ATP1A3: variants seen among roughly 807,000 people sequenced by gnomAD.
ATP1A3 encodes sodium/potassium-transporting ATPase subunit alpha-3.
A neutral mutation model predicts 108.8 loss-of-function variants in ATP1A3; 12 were observed. That is an observed-to-expected ratio of 0.11 (90% confidence interval 0.07 to 0.18). The LOEUF is 0.18. Ranked by LOEUF, ATP1A3 falls within the 10% of genes least tolerant of loss-of-function variation. The pLI, the probability that ATP1A3 is intolerant of heterozygous loss-of-function variation, is 1.00. For synonymous variants in ATP1A3, 539 were observed against 564.5 expected, an observed-to-expected ratio of 0.95 and a Z score of 0.64; for missense variants, 498 against 1,387.7, an observed-to-expected ratio of 0.36 and a Z score of 10.19.
chr19:41,977,803 C>A, intron 14 of ATP1A3, 133 bp downstream of exon 14: 1 of 1,382,846 alleles, frequency 7.2e-7, no homozygotes, highest in Admixed American at 2.3e-5. Context: ...AGGGCCAGAC[C>A]CAGGGCCTGG....
At position 41,988,752 on chromosome 19, in the gene ATP1A3, C is replaced by T. The variant is rs782412206; in HGVS notation, c.7-190G>A. 1.3e-5 allele frequency among the ~76,000 whole-genome samples: 2 copies of T among 152,026 alleles called. No individual in the cohort carries two copies. The highest frequency in any genetic ancestry group is 2.4e-5 in the African/African-American group (1 of 41,390). ...CGGAGCCTCTGGGTGACTTCACCTC[C>T]CTTCTGCCTCTGGTGACTCTCAGGC... On this transcript the variant is annotated intron_variant, in intron 1 of 22. Coordinates refer to ENST00000648268, the MANE Select transcript of ATP1A3 (RefSeq NM_152296.5). The surrounding 1 kb of genome is among the most constrained non-coding windows in gnomAD (Gnocchi z 5.3).
chr19:41,969,056 G>T, intron 19 of ATP1A3, 141 bp from the exon 20 acceptor site: 1 of 1,295,378 alleles, frequency 7.7e-7, no homozygotes, highest in Non-Finnish European at 1.1e-6. Context: ...CCTTCTGCGG[G>T]CTCATAGTCC....
At position 41,970,069 on chromosome 19, in the gene ATP1A3, C is replaced by T. The variant is rs910324413; in HGVS notation, c.2542+116G>A. 10 of 1,564,300 alleles carry T rather than the reference C, an allele frequency of 6.4e-6. No individual in the cohort carries two copies. The African/African-American group carries it at 1.1e-4, about 17-fold the overall frequency. ...CCCCACAGATAGCTCACTGGTTGGT[C>T]CTGCCCACGTCTGCTCCCCTGAGTC... On this transcript the variant is annotated intron_variant, in intron 18 of 22. Transcript: ENST00000648268.
chr19:41,983,164 A>G lies in ATP1A3; in HGVS notation c.994-1058T>C, dbSNP rs1378516065. ...TCGATCTCAGCTCACTGCAACCTCCACCTCCCAGGTTCAAGCAATTCTTGT... is the reference window on the plus strand; with the variant it reads ...TCGATCTCAGCTCACTGCAACCTCCGCCTCCCAGGTTCAAGCAATTCTTGT... On this transcript the variant is annotated intron_variant, in intron 8 of 22. Coordinates refer to ENST00000648268, the MANE Select transcript of ATP1A3 (RefSeq NM_152296.5). Among the ~76,000 whole-genome samples the G allele has an allele frequency of 3.0e-4, 45 of 151,106 alleles. No individual in the cohort carries two copies. In the Admixed American group the frequency reaches 3.0e-3, roughly 10 times the overall value.
rs782057287 is a variant in ATP1A3 at position 41,969,507 on chromosome 19, G to T, written c.2616C>A (p.Asn872Lys). 22 of 1,614,042 alleles carry T rather than the reference G, an allele frequency of 1.4e-5. No homozygotes were observed. In the African/African-American group the frequency reaches 2.0e-4, roughly 15 times the overall value. The change falls in exon 19 of 23, where the codon AAC becomes AAA. Residue 872 changes from asparagine (N) to lysine (K), a missense_variant. Transcript: ENST00000648268. ...ILAENGFLPGNLVGIRLNWDD... is the reference protein window; with the variant it reads ...ILAENGFLPGKLVGIRLNWDD... ...CCCAGTTCAGCCGGATGCCCACCAG[G>T]TTGCCGGGCAAGAAGCCATTTTCTG...
intron 1 of ATP1A3, among the ~76,000 whole-genome samples, chr19:41,992,045 A>G (rs1279328889): frequency 4.4e-5 from 2 of 45,574 alleles, no homozygotes; most frequent in African/African-American, 9.7e-5. Context: ...CTGAGGGAGG[A>G]GGGGCTGGGG....
At position 41,987,949 on chromosome 19, in the gene ATP1A3, G is replaced by C. The variant is rs781955231; in HGVS notation, c.344C>G (p.Pro115Arg). ...YGIQAGTEDD[P>R]SGDNLYLGIV... ...CCAGGCACTCACGTTGTCACCAGAG[G>C]GGTCGTCCTCGGTGCCCGCCTGGAT... is the stretch of plus-strand genomic sequence containing the variant. Residue 115 changes from proline (P) to arginine (R), a missense_variant, in exon 4 of 23, where the codon CCC (proline) becomes CGC (arginine). By Grantham distance (103) the Pro-to-Arg change is moderately radical (BLOSUM62 -2). This residue lies in a region of ATP1A3 where 127 missense variants were observed against 464.0 expected (regional missense o/e 0.27). Coordinates refer to ENST00000648268, the MANE Select transcript of ATP1A3 (RefSeq NM_152296.5). The C allele has an allele frequency of 1.2e-6, 2 of 1,613,766 alleles. No individual in the cohort carries two copies. The highest frequency in any genetic ancestry group is 2.2e-5 in the South Asian group (2 of 91,082).
At position 41,983,082 on chromosome 19, in the gene ATP1A3, C is replaced by CT. The variant is rs536874696; in HGVS notation, c.994-977dup. 1.9e-3 allele frequency among the ~76,000 whole-genome samples: 278 copies of CT among 146,478 alleles called. 1 individual carries two copies. The highest frequency in any genetic ancestry group is 4.2e-3 in the African/African-American group (169 of 40,294). ...CATTGCTAATATGGAAAACAGTAAA[C>CT]TTTTTTTTTTTTTGAGACACAGTCT... On this transcript the variant is annotated intron_variant, in intron 8 of 22. Coordinates refer to ENST00000648268, the MANE Select transcript of ATP1A3 (RefSeq NM_152296.5).
chr19:41,987,319 T>C (rs2075295990), intron 4 of ATP1A3, among the ~76,000 whole-genome samples: 1 of 150,784 alleles, frequency 6.6e-6, no homozygotes. Context: ...CCTGCATTGC[T>C]GTGTGTGTGT....
chr19:41,978,530 C>G lies in ATP1A3; in HGVS notation c.1630+76G>C, dbSNP rs2075196821. The G allele has an allele frequency of 1.3e-6, 2 of 1,589,588 alleles. No individual in the cohort carries two copies. Among genetic ancestry groups the G allele is most frequent in the Non-Finnish European group, 1.7e-6 (2 of 1,166,992 alleles). On this transcript the variant is annotated intron_variant, in intron 12 of 22. Coordinates refer to ENST00000648268, the MANE Select transcript of ATP1A3 (RefSeq NM_152296.5). The surrounding 1 kb of genome is among the most constrained non-coding windows in gnomAD (Gnocchi z 8.3). Reference sequence around the variant, plus strand: ...ACAGTATATTCTGGGAGGCCCTGGGCTGAGACAGGCTTTGGGCAGCATCAC... The same window carrying G: ...ACAGTATATTCTGGGAGGCCCTGGGGTGAGACAGGCTTTGGGCAGCATCAC...
At position 41,966,897 on chromosome 19, in the gene ATP1A3, G is replaced by A. The variant is rs782765609; in HGVS notation, c.*40C>T. On this transcript the variant is annotated 3_prime_UTR_variant, in exon 23 of 23. Transcript: ENST00000648268. ...GACTGACAGGGGCGGTCCTGGGCCT[G>A]GGGGACGGGGAAGAGATGGGCGATG... is the stretch of plus-strand genomic sequence containing the variant. 1.9e-6 allele frequency: 3 copies of A among 1,551,154 alleles called. No homozygotes were observed. Among genetic ancestry groups the A allele is most frequent in the Middle Eastern group, 1.7e-4 (1 of 5,962 alleles).
At position 41,978,866 on chromosome 19, in the gene ATP1A3, G is replaced by A. The variant is rs2075200219; in HGVS notation, c.1438-68C>T. ...ACCAGGAAGCTCCCTGCCCCATCCT[G>A]TCCCCTGTCCAGAGCCACGGGTGCC... On this transcript the variant is annotated intron_variant, in intron 11 of 22. Transcript: ENST00000648268. The surrounding 1 kb of genome is among the most constrained non-coding windows in gnomAD (Gnocchi z 8.3). 7 of 1,549,430 alleles carry A rather than the reference G, an allele frequency of 4.5e-6. No homozygotes were observed. The highest frequency in any genetic ancestry group is 6.2e-6 in the Non-Finnish European group (7 of 1,129,284).
Position 41,985,360 on chromosome 19 carries a change from C to T in ATP1A3, c.670G>A (p.Asp224Asn), listed in dbSNP as rs1271282195. 5.0e-6 allele frequency: 8 copies of T among 1,614,002 alleles called. No individual in the cohort carries two copies. Among genetic ancestry groups the T allele is most frequent in the East Asian group, 2.2e-5 (1 of 44,894 alleles). ...PQTRSPDCTH[D>N]NPLETRNITF... ...ATGTTCCGAGTCTCCAAGGGGTTGTCGTGAGTGCAGTCGGGAGAGCGAGTC... is the reference window on the plus strand; with the variant it reads ...ATGTTCCGAGTCTCCAAGGGGTTGTTGTGAGTGCAGTCGGGAGAGCGAGTC... The change falls in exon 7 of 23, where the codon GAC becomes AAC. Residue 224 changes from aspartate to asparagine, a missense_variant. Transcript: ENST00000648268. The surrounding 1 kb of genome is among the most constrained non-coding windows in gnomAD (Gnocchi z 8.2).
In ATP1A3 at chr19:41,984,904, G is replaced by A. The variant is rs782047698; in HGVS notation, c.993+14C>T. ...CCAGGCCCTCCCCACCCAGACCCAG[G>A]AGCCTGGCCTTACAGTGACAGTGGC... On this transcript the variant is annotated intron_variant, in intron 8 of 22. Transcript: ENST00000648268. 1.2e-6 allele frequency: 2 copies of A among 1,609,176 alleles called. No homozygotes were observed. The highest frequency in any genetic ancestry group is 1.7e-6 in the Non-Finnish European group (2 of 1,177,658).
rs1406394378 is a variant in ATP1A3 at position 41,970,046 on chromosome 19, C to T, written c.2542+139G>A. On this transcript the variant is annotated intron_variant, in intron 18 of 22. Transcript: ENST00000648268. ...GAGAAGGATGGGGTGCAGACCCCCC[C>T]CACAGATAGCTCACTGGTTGGTCCT... 9.2e-6 allele frequency: 13 copies of T among 1,411,010 alleles called. No homozygotes were observed. In the African/African-American group the frequency reaches 1.6e-4, roughly 17 times the overall value. 87.4% of individuals were successfully genotyped at this position (1,411,010 alleles called of 1,614,324 possible).
In ATP1A3 at chr19:41,966,869, G is replaced by A. The variant is rs1555858675; in HGVS notation, c.*68C>T. ...TCCTCCCCCCAGAATACAAAATTGG[G>A]GGGACTGACAGGGGCGGTCCTGGGC... On this transcript the variant is annotated 3_prime_UTR_variant, in exon 23 of 23. Coordinates refer to ENST00000648268, the MANE Select transcript of ATP1A3 (RefSeq NM_152296.5). 1.9e-6 allele frequency: 3 copies of A among 1,549,878 alleles called. No homozygotes were observed. The highest frequency in any genetic ancestry group is 2.6e-6 in the Non-Finnish European group (3 of 1,146,144).
chr19:41,981,316 T>G lies in ATP1A3; in HGVS notation c.1437+186A>C, dbSNP rs1445448878. On this transcript the variant is annotated intron_variant, in intron 11 of 22. Coordinates refer to ENST00000648268, the MANE Select transcript of ATP1A3 (RefSeq NM_152296.5). This position sits in a 1 kb window ranked among gnomAD's most constrained non-coding sequence, Gnocchi z 5.0. Reference sequence around the variant, plus strand: ...GCCTGGCCTGCAGGAAGATCTTTACTCCTCAGCGTCTCACTCCAACAGAGA... The same window carrying G: ...GCCTGGCCTGCAGGAAGATCTTTACGCCTCAGCGTCTCACTCCAACAGAGA... Among the ~76,000 whole-genome samples, 1 of 151,922 alleles carries G rather than the reference T, an allele frequency of 6.6e-6. No individual in the cohort carries two copies. Among genetic ancestry groups the G allele is most frequent in the African/African-American group, 2.4e-5 (1 of 41,372 alleles).
chr19:41,983,772 T>TA (rs1555864318), intron 8 of ATP1A3, among the ~76,000 whole-genome samples: 1 of 140,226 alleles, frequency 7.1e-6, no homozygotes, highest in East Asian at 2.0e-4. Context: ...AAAAATTTTT[T>TA]TTTTTTTTTT....
At chr19:41,987,813 A>G in intron 4 of ATP1A3, 123 bp downstream of exon 4, 1 of 1,272,806 alleles carries the variant, frequency 7.9e-7, no homozygotes, top group Non-Finnish European at 1.1e-6. Flanking sequence ...GGTGATTGTG[A>G]GTTAGATGGG....
Sources: gnomAD v4.1 joint callset for allele counts (sites outside exome capture counted in the v4.1 genomes callset) on GRCh38, gnomAD v4.1.1 for gene constraint, gnomAD v4.1.1 regional missense constraint, Gnocchi (gnomAD v3.1) non-coding constraint, MANE v1.5 for transcripts, NCBI Gene and HGNC (gene_info 2026-07-23, HGNC 2026-07-21) for gene names.